DDX10: variants seen among roughly 807,000 people sequenced by gnomAD.
DDX10 encodes the protein DEAD-box helicase 10.
A neutral mutation model predicts 104.3 loss-of-function variants in DDX10; 74 were observed. That is an observed-to-expected ratio of 0.71 (90% CI 0.59 to 0.86). The LOEUF is 0.86. Ranked by LOEUF, DDX10 falls within the 40% of genes least tolerant of loss-of-function variation. DDX10 has a pLI of 0.00. For missense variants in DDX10, 952 were observed against 1,040.0 expected, an observed-to-expected ratio of 0.92 and a Z score of 1.16; for synonymous variants, 351 against 353.4, an observed-to-expected ratio of 0.99 and a Z score of 0.08.
intron 16 of DDX10, among the ~76,000 whole-genome samples, chr11:108,892,619 T>G (rs1379244477): frequency 3.9e-5 from 6 of 152,164 alleles, no homozygotes; most frequent in Non-Finnish European, 8.8e-5. Flanking sequence ...ATATTATTAA[T>G]TTGAAAATAT....
intron 12 of DDX10, among the ~76,000 whole-genome samples, chr11:108,720,892 C>T (rs565861778): frequency 7.2e-5 from 8 of 111,466 alleles, no homozygotes; most frequent in Admixed American, 4.1e-4. Flanking sequence ...TGTGCCTGGC[C>T]GGGTTTTTTT....
At position 108,794,064 on chromosome 11, in the gene DDX10, T is replaced by C. The variant is rs1321707734; in HGVS notation, c.1966-44382T>C. ...TTCCATTGTGTATAGCACATATTCT[T>C]CATCCATTCATCCCTTGATGGATAC... On this transcript the variant is annotated intron_variant, in intron 13 of 17. Transcript: ENST00000322536. Among the ~76,000 whole-genome samples, 2 of 152,188 alleles carry C rather than the reference T, an allele frequency of 1.3e-5. 1 individual carries two copies. Among genetic ancestry groups the C allele is most frequent in the Non-Finnish European group, 2.9e-5 (2 of 68,020 alleles).
intron 13 of DDX10, among the ~76,000 whole-genome samples, chr11:108,804,413 A>G (rs1329127666): frequency 6.9e-6 from 1 of 145,720 alleles, no homozygotes; most frequent in Non-Finnish European, 1.5e-5. Context: ...AGGTGAGATG[A>G]TCTCTTGAGC....
intron 16 of DDX10, among the ~76,000 whole-genome samples, chr11:108,856,458 A>G (rs998771837): frequency 2.6e-5 from 4 of 151,586 alleles, no homozygotes; most frequent in Non-Finnish European, 5.9e-5. Context: ...AAAAAAAACC[A>G]CCAAAAAAAA....
chr11:108,850,752 G>A (rs1418710553), intron 15 of DDX10, among the ~76,000 whole-genome samples: 1 of 152,164 alleles, frequency 6.6e-6, no homozygotes, highest in African/African-American at 2.4e-5. Flanking sequence ...CAATGTTCCA[G>A]TGGAGGAGTA....
At chr11:108,893,349 A>G (rs907228416) in intron 16 of DDX10, among the ~76,000 whole-genome samples, 2 of 152,044 alleles carry the variant, frequency 1.3e-5, no homozygotes, top group Non-Finnish European at 2.9e-5. Flanking sequence ...ATTAAAACCC[A>G]AAGATTTGGG....
rs538228337 is a variant in DDX10, at chr11:108,813,556, T to C, written c.1966-24890T>C. Among the ~76,000 whole-genome samples the C allele has an allele frequency of 5.3e-5, 8 of 152,342 alleles. No homozygotes were observed. The South Asian group carries it at 1.4e-3, about 28-fold the overall frequency. On this transcript the variant is annotated intron_variant, in intron 13 of 17. Coordinates refer to ENST00000322536, the MANE Select transcript of DDX10 (RefSeq NM_004398.4). Reference sequence around the variant, plus strand: ...TTTTCAGATTGTCATTTGTTTTGGGTCATATTTTTAAACCTTTTATATTGG... The same window carrying C: ...TTTTCAGATTGTCATTTGTTTTGGGCCATATTTTTAAACCTTTTATATTGG...
intron 13 of DDX10, among the ~76,000 whole-genome samples, chr11:108,756,495 T>G (rs2094344630): frequency 6.6e-6 from 1 of 152,080 alleles, no homozygotes; most frequent in South Asian, 2.1e-4. Flanking sequence ...ACTTAGCTAT[T>G]TATTTAGCTT....
intron 13 of DDX10, among the ~76,000 whole-genome samples, chr11:108,796,694 G>C (rs1426759666): frequency 6.6e-6 from 1 of 152,236 alleles, no homozygotes; most frequent in East Asian, 1.9e-4. Flanking sequence ...TTTAATGCAT[G>C]CTATTGTTTG....
chr11:108,737,691 A>G (rs999646510), intron 13 of DDX10, among the ~76,000 whole-genome samples: 11 of 152,174 alleles, frequency 7.2e-5, no homozygotes, highest in African/African-American at 2.4e-4. Context: ...TAATATTTTC[A>G]GCGATGATCT....
intron 16 of DDX10, among the ~76,000 whole-genome samples, chr11:108,906,521 G>T (rs548251480): frequency 6.6e-6 from 1 of 152,292 alleles, no homozygotes; most frequent in South Asian, 2.1e-4. Context: ...CACTGATGAG[G>T]AAACAGAAGC....
At chr11:108,757,775 C>A (rs2134511837) in intron 13 of DDX10, among the ~76,000 whole-genome samples, 1 of 152,124 alleles carries the variant, frequency 6.6e-6, no homozygotes, top group East Asian at 1.9e-4. Context: ...CTGGCTTTTC[C>A]CTGACCTTTG....
intron 10 of DDX10, among the ~76,000 whole-genome samples, chr11:108,712,743 A>G (rs1013946370): frequency 1.3e-5 from 2 of 152,056 alleles, no homozygotes; most frequent in East Asian, 3.9e-4. Flanking sequence ...ATTTTATTTT[A>G]CCATCATTTA....
At chr11:108,917,397 TTA>T (rs1398210447) in intron 16 of DDX10, among the ~76,000 whole-genome samples, 3 of 152,064 alleles carry the variant, frequency 2.0e-5, no homozygotes, top group Non-Finnish European at 4.4e-5. Flanking sequence ...TGCTATTTCT[TTA>T]TGTTTATTTT....
intron 12 of DDX10, among the ~76,000 whole-genome samples, chr11:108,720,732 A>G (rs953002192): frequency 1.3e-5 from 2 of 151,994 alleles, no homozygotes; most frequent in African/African-American, 4.8e-5. Flanking sequence ...CTGGGACTAC[A>G]GGTGCATGCT....
At chr11:108,874,332 T>C (rs980346032) in intron 16 of DDX10, among the ~76,000 whole-genome samples, 4 of 152,198 alleles carry the variant, frequency 2.6e-5, no homozygotes, top group East Asian at 3.8e-4. Flanking sequence ...CTCTCTACTT[T>C]AGATGCCATT....
intron 16 of DDX10, among the ~76,000 whole-genome samples, chr11:108,870,066 G>A (rs1016754386): frequency 6.6e-5 from 10 of 152,036 alleles, no homozygotes; most frequent in Non-Finnish European, 8.8e-5. Flanking sequence ...ATTACAATAG[G>A]AGAAATCTGC....
At chr11:108,756,834 C>A (rs764917206) in intron 13 of DDX10, among the ~76,000 whole-genome samples, 2 of 151,996 alleles carry the variant, frequency 1.3e-5, no homozygotes, top group Admixed American at 6.6e-5. Context: ...ACAGTTCTTA[C>A]GTTTTAGTAA....
At chr11:108,797,407 A>G (rs1861959603) in intron 13 of DDX10, among the ~76,000 whole-genome samples, 1 of 152,236 alleles carries the variant, frequency 6.6e-6, no homozygotes, top group Non-Finnish European at 1.5e-5. Context: ...CAATATTTGC[A>G]TCTGATTTAG....
Sources: gnomAD v4.1 joint callset for allele counts (sites outside exome capture counted in the v4.1 genomes callset) on GRCh38, gnomAD v4.1.1 for gene constraint, MANE v1.5 for transcripts, NCBI Gene and HGNC (gene_info 2026-07-23, HGNC 2026-07-21) for gene names.